KLC4: variants seen among roughly 807,000 people sequenced by gnomAD.
KLC4 encodes kinesin light chain 4, also known as kinesin-like protein 8.
A neutral mutation model predicts 77.2 loss-of-function variants in KLC4; 49 were observed. That is an observed-to-expected ratio of 0.63 (90% CI 0.50 to 0.80). KLC4 has a LOEUF of 0.80. Ranked by LOEUF, KLC4 falls within the 30% of genes least tolerant of loss-of-function variation. The pLI, the probability that KLC4 is intolerant of heterozygous loss-of-function variation, is 0.00. For missense variants in KLC4, 669 were observed against 793.5 expected, an observed-to-expected ratio of 0.84 and a Z score of 1.89; for synonymous variants, 274 against 314.5, an observed-to-expected ratio of 0.87 and a Z score of 1.36.
intron 6 of KLC4, chr6:43,067,420 A>G (rs955860936): frequency 1.7e-5 from 6 of 343,464 alleles, no homozygotes; most frequent in South Asian, 2.0e-4. Flanking sequence ...GACAATATAT[A>G]CAATGTAATA....
At position 43,072,184 on chromosome 6, in the gene KLC4, C is replaced by T. The variant is rs1334339236; in HGVS notation, c.1417C>T (p.Leu473=). 1.9e-6 allele frequency: 3 copies of T among 1,614,146 alleles called. No homozygotes were observed. The highest frequency in any genetic ancestry group is 1.7e-6 in the Non-Finnish European group (2 of 1,180,028). The change falls in exon 12 of 16, where the codon CTG becomes TTG. Residue 473 remains leucine (L), a synonymous_variant. Coordinates refer to ENST00000347162, the MANE Select transcript of KLC4 (RefSeq NM_201521.3). ...CACTACTCTGAGAAACCTGGGAGCT[C>T]TGTATAGGCGCCAGGGAAAGCTGGA... ...VNTTLRNLGA[L]YRRQGKLEAA...
chr6:43,071,344 G>C lies in KLC4; in HGVS notation c.1225G>C (p.Ala409Pro). Reference protein sequence around the residue: ...ETLYKEILTRAHVQEFGSVDD... With the variant: ...ETLYKEILTRPHVQEFGSVDD... ...ACTATACAAAGAGATCCTGACCCGT[G>C]CCCATGTACAGGAGTTTGGGTCTGT... The change falls in exon 9 of 16, where the codon GCC becomes CCC. Residue 409 changes from alanine (A) to proline (P), a missense_variant. By Grantham distance (27) the Ala-to-Pro change is conservative. Coordinates refer to ENST00000347162, the MANE Select transcript of KLC4 (RefSeq NM_201521.3). 6.2e-7 allele frequency: 1 copy of C among 1,613,882 alleles called. No homozygotes were observed. The highest frequency in any genetic ancestry group is 2.2e-5 in the East Asian group (1 of 44,880).
chr6:43,059,719 T>C (rs1765034495), intron 1 of KLC4, 34 bp downstream of exon 1: 1 of 1,273,424 alleles, frequency 7.9e-7, no homozygotes, highest in South Asian at 2.3e-5. Context: ...GGCTGAAGGT[T>C]AAGGTCTCTG....
rs41274918 is a variant in KLC4 at position 43,071,602 on chromosome 6, C to T, written c.1291C>T (p.Arg431Trp). 7.7e-4 allele frequency: 1,240 copies of T among 1,613,524 alleles called. 1 individual carries two copies. Among genetic ancestry groups the T allele is most frequent in the Non-Finnish European group, 9.7e-4 (1,149 of 1,179,872 alleles). Residue 431 changes from arginine (R) to tryptophan (W), a missense_variant, in exon 10 of 16, where the codon CGG becomes TGG. Transcript: ENST00000347162. ...HKPIWMHAEE[R>W]EEMSKSRHHE... ...GCCCATCTGGATGCATGCAGAGGAGCGGGAGGAAATGAGCAAAGTGAGTGG... is the reference window on the plus strand; with the variant it reads ...GCCCATCTGGATGCATGCAGAGGAGTGGGAGGAAATGAGCAAAGTGAGTGG...
At chr6:43,067,381 A>G (rs1237491322) in intron 6 of KLC4, 3 of 463,402 alleles carry the variant, frequency 6.5e-6, no homozygotes, top group Non-Finnish European at 7.1e-6. Flanking sequence ...AATAAATATA[A>G]AAGAAAAACA....
chr6:43,060,040 C>T lies in KLC4; in HGVS notation c.-26+355C>T. Reference sequence around the variant, plus strand: ...CAGGTCGACAGCCCGAGGCACTCCTCTACTGCGTTTCCAGGCCCAGGAGAC... The same window carrying T: ...CAGGTCGACAGCCCGAGGCACTCCTTTACTGCGTTTCCAGGCCCAGGAGAC... On this transcript the variant is annotated intron_variant, in intron 1 of 15. Coordinates refer to ENST00000347162, the MANE Select transcript of KLC4 (RefSeq NM_201521.3). The T allele has an allele frequency of 2.7e-6, 4 of 1,495,586 alleles. No individual in the cohort carries two copies. In the South Asian group the frequency reaches 5.2e-5, roughly 20 times the overall value. The allele number at this position is 1,495,586 out of a possible 1,614,324, so 92.6% of individuals were successfully genotyped here. A position where few individuals can be genotyped will look rare whatever the true frequency, so the allele number is the denominator to read the frequency against.
chr6:43,067,434 TAAG>T (rs542866936), intron 6 of KLC4: 7 of 294,932 alleles, frequency 2.4e-5, no homozygotes, highest in Admixed American at 5.0e-5. Flanking sequence ...TGTAATATAA[TAAG>T]GTAAAAATAC....
chr6:43,070,451 A>C lies in KLC4; in HGVS notation c.977A>C (p.Glu326Ala), dbSNP rs1765659785. 1 of 1,610,146 alleles carries C rather than the reference A, an allele frequency of 6.2e-7. No homozygotes were observed. The highest frequency in any genetic ancestry group is 8.5e-7 in the Non-Finnish European group (1 of 1,176,550). Residue 326 changes from glutamate to alanine, a missense_variant, in exon 7 of 16, where the codon GAA becomes GCA. By Grantham distance (107) the Glu-to-Ala change is moderately radical. Transcript: ENST00000347162. The part of the protein sequence containing the change: ...PLCQRALEIR[E>A]KVLGTNHPDV... Reference sequence around the variant, plus strand: ...TGCCAGCGGGCACTGGAGATTCGAGAAAAGGTACCCATGCCCTCTCTCCCT... The same window carrying C: ...TGCCAGCGGGCACTGGAGATTCGAGCAAAGGTACCCATGCCCTCTCTCCCT...
chr6:43,060,631 C>G, intron 1 of KLC4: 1 of 1,114,140 alleles, frequency 9.0e-7, no homozygotes, highest in South Asian at 2.1e-5. Context: ...AGATGAGAAA[C>G]AAGACCCCTC....
At chr6:43,059,870 C>G in intron 1 of KLC4, 185 bp downstream of exon 1, 1 of 1,210,534 alleles carries the variant, frequency 8.3e-7, no homozygotes, top group East Asian at 4.6e-5. Flanking sequence ...CGACCTGCCC[C>G]GCCCCCTGCG....
chr6:43,060,704 GA>G, intron 1 of KLC4: 1 of 878,564 alleles, frequency 1.1e-6, no homozygotes, highest in Non-Finnish European at 1.4e-6. Flanking sequence ...AGGTTAGTGG[GA>G]AAATATGCAG....
chr6:43,063,997 C>T (rs145708647), intron 3 of KLC4, among the ~76,000 whole-genome samples: 3,347 of 152,164 alleles, frequency 0.022, 56 homozygotes, highest in Non-Finnish European at 0.034. Context: ...CCACCACACC[C>T]GGCTAATGTT....
chr6:43,067,911 G>A (rs1765522827), intron 6 of KLC4, among the ~76,000 whole-genome samples: 1 of 120,352 alleles, frequency 8.3e-6, no homozygotes, highest in East Asian at 2.4e-4. Flanking sequence ...AGGAGATCGA[G>A]ACCATCCTGG....
chr6:43,072,151 A>G lies in KLC4; in HGVS notation c.1384A>G (p.Thr462Ala), dbSNP rs1313998895. The G allele has an allele frequency of 6.2e-7, 1 of 1,613,154 alleles. No homozygotes were observed. Among genetic ancestry groups the G allele is most frequent in the Non-Finnish European group, 8.5e-7 (1 of 1,179,326 alleles). The change falls in exon 12 of 16, where the codon ACA becomes GCA. Residue 462 changes from threonine to alanine, a missense_variant. Physicochemically the swap from Thr to Ala is moderately conservative, Grantham distance 58. Transcript: ENST00000347162. ...WYKACKVSSP[T>A]VNTTLRNLGA... ...CTGGTCTCTTTCTCACCACAGCCCC[A>G]CAGTGAACACTACTCTGAGAAACCT...
At chr6:43,066,845 TCAGTGAAGC>T in intron 5 of KLC4, 142 bp from the exon 6 acceptor site, 3 of 1,142,982 alleles carry the variant, frequency 2.6e-6, no homozygotes, top group Non-Finnish European at 3.7e-6. Context: ...TATGAGTATG[TCAGTGAAGC>T]CCCCTTACTG....
At chr6:43,066,863 T>C (rs904228514) in intron 5 of KLC4, 133 bp from the exon 6 acceptor site, 10 of 1,326,710 alleles carry the variant, frequency 7.5e-6, no homozygotes, top group Non-Finnish European at 5.1e-6. Flanking sequence ...GCCCCCTTAC[T>C]GTCCACGCCA....
chr6:43,062,544 C>A (rs775713587), intron 2 of KLC4: 1 of 252,296 alleles, frequency 4.0e-6, no homozygotes, highest in Non-Finnish European at 7.8e-6. Flanking sequence ...GTGCCTGGCC[C>A]TGATTTTACT....
In KLC4 at chr6:43,071,902, C is replaced by A. The variant is rs1765749581; in HGVS notation, c.1359C>A (p.Tyr453Ter). 6.2e-7 allele frequency: 1 copy of A among 1,611,130 alleles called. No homozygotes were observed. The change falls in exon 11 of 16, where the codon TAC becomes TAA. Residue 453 changes from tyrosine (Y) to a stop codon, truncating the protein, a stop_gained. Coordinates refer to ENST00000347162, the MANE Select transcript of KLC4 (RefSeq NM_201521.3). LOFTEE classifies it high-confidence loss of function. Reference protein sequence around the residue: ...GTPYAEYGGWYKACKVSSPTV... With the variant: ...GTPYAEYGGW Reference sequence around the variant, plus strand: ...CCTATGCTGAGTATGGAGGCTGGTACAAGGCCTGCAAAGTGAGCAGGTGAG... The same window carrying A: ...CCTATGCTGAGTATGGAGGCTGGTAAAAGGCCTGCAAAGTGAGCAGGTGAG...
chr6:43,072,737 C>A, intron 12 of KLC4, 87 bp from the exon 13 acceptor site: 1 of 1,332,870 alleles, frequency 7.5e-7, no homozygotes, highest in Non-Finnish European at 1.0e-6. Context: ...TGTTTTCCTT[C>A]CAGTGGCTGA....
Sources: allele counts gnomAD v4.1 joint callset (sites outside exome capture counted in the v4.1 genomes callset), GRCh38; gene constraint gnomAD v4.1.1; transcripts MANE v1.5; gene names NCBI Gene and HGNC (gene_info 2026-07-23, HGNC 2026-07-21).